Variants in ZDHHC5 observed in about 807,000 individuals in gnomAD.
ZDHHC5 encodes palmitoyltransferase ZDHHC5.
A neutral mutation model predicts 70.0 loss-of-function variants in ZDHHC5; 22 were observed. The ratio of observed to expected loss-of-function variants is 0.31; its 90% confidence interval spans 0.22 to 0.45. ZDHHC5 has a LOEUF of 0.45. ZDHHC5 is among the 20% of genes least tolerant of loss of function. ZDHHC5 has a pLI of 1.00. For missense variants in ZDHHC5, 746 were observed against 926.9 expected (o/e 0.80, Z 2.53); for synonymous variants, 313 against 347.8 (o/e 0.90, Z 1.11).
Position 57,700,048 on chromosome 11 carries a change from C to T in ZDHHC5, c.*17C>T, listed in dbSNP as rs750225456. On this transcript the variant is annotated 3_prime_UTR_variant, in exon 12 of 12. Coordinates refer to ENST00000287169, the MANE Select transcript of ZDHHC5 (RefSeq NM_015457.3). The stretch of plus-strand genomic sequence containing the variant: ...TCGGTGTGAGCCTTCGGCACCTCCC[C>T]TCCCCAACGCCTCTGCGCCTACACC... The T allele has an allele frequency of 6.4e-7, 1 of 1,552,930 alleles. No homozygotes were observed. The highest frequency in any genetic ancestry group is 8.7e-7 in the Non-Finnish European group (1 of 1,151,044).
Position 57,696,056 on chromosome 11 carries a change from T to C in ZDHHC5, c.1009+13T>C. ...GCTACTAATGAGGGTAAGGGCTGCC[T>C]TGATTTGCAAGATACTAGAACTAGG... On this transcript the variant is annotated intron_variant, in intron 9 of 11. Transcript: ENST00000287169. 1 of 1,604,002 alleles carries C rather than the reference T, an allele frequency of 6.2e-7. No homozygotes were observed. The highest frequency in any genetic ancestry group is 8.5e-7 in the Non-Finnish European group (1 of 1,176,786).
At chr11:57,688,406 G>T in intron 3 of ZDHHC5, 102 bp from the exon 4 acceptor site, 1 of 1,317,792 alleles carries the variant, frequency 7.6e-7, no homozygotes, top group African/African-American at 1.5e-5. Context: ...ATTAGACTGT[G>T]AATTCCTCAA....
chr11:57,698,883 G>C lies in ZDHHC5; in HGVS notation c.1447G>C (p.Glu483Gln), dbSNP rs1490165292. ...CACACCTTCAGACAGCCCTGATTTT[G>C]AGTCAGTGCAGGCAGGGCCTGAGCC... ...LLTPSDSPDFESVQAGPEPDP... is the reference protein window; with the variant it reads ...LLTPSDSPDFQSVQAGPEPDP... The change falls in exon 11 of 12, where the codon GAG becomes CAG. Residue 483 changes from glutamate (E) to glutamine (Q), a missense_variant. By Grantham distance (29) the Glu-to-Gln change is conservative. Transcript: ENST00000287169. 4.3e-6 allele frequency: 7 copies of C among 1,614,196 alleles called. No homozygotes were observed. Among genetic ancestry groups the C allele is most frequent in the Non-Finnish European group, 5.1e-6 (6 of 1,180,036 alleles).
chr11:57,698,504 G>T, intron 10 of ZDHHC5, 55 bp from the exon 11 acceptor site: 1 of 1,534,740 alleles, frequency 6.5e-7, no homozygotes, highest in Non-Finnish European at 8.7e-7. Flanking sequence ...GAGCTCTGGG[G>T]TCTAGCTTCT....
rs778619518 is a variant in ZDHHC5, at chr11:57,695,947, A to C, written c.913A>C (p.Ser305Arg). Residue 305 changes from serine to arginine, a missense_variant, in exon 9 of 12, where the codon AGC becomes CGC. Coordinates refer to ENST00000287169, the MANE Select transcript of ZDHHC5 (RefSeq NM_015457.3). ...KSKGSLEITE[S>R]QSADAEPPPP... Reference sequence around the variant, plus strand: ...TAAGGGAAGCCTGGAGATAACAGAGAGCCAGTCTGCAGATGCTGAACCTCC... The same window carrying C: ...TAAGGGAAGCCTGGAGATAACAGAGCGCCAGTCTGCAGATGCTGAACCTCC... 2 of 1,614,102 alleles carry C rather than the reference A, an allele frequency of 1.2e-6. No individual in the cohort carries two copies. Among genetic ancestry groups the C allele is most frequent in the East Asian group, 4.5e-5 (2 of 44,890 alleles).
At chr11:57,698,355 T>C (rs1166686961) in intron 10 of ZDHHC5, among the ~76,000 whole-genome samples, 1 of 152,208 alleles carries the variant, frequency 6.6e-6, no homozygotes, top group Non-Finnish European at 1.5e-5. Flanking sequence ...ACTCAGCCTT[T>C]CTACGTCTTG....
At chr11:57,680,913 G>T (rs1946141732) in intron 2 of ZDHHC5, among the ~76,000 whole-genome samples, 1 of 152,164 alleles carries the variant, frequency 6.6e-6, no homozygotes, top group Non-Finnish European at 1.5e-5. Flanking sequence ...ATGACTGAAG[G>T]TCTGTTTAGT....
intron 6 of ZDHHC5, 53 bp from the exon 7 acceptor site, chr11:57,692,558 C>T (rs1565196664): frequency 6.5e-7 from 1 of 1,546,574 alleles, no homozygotes; most frequent in Admixed American, 1.7e-5. Flanking sequence ...GTATTTTGGC[C>T]TTTGGAAGTC....
chr11:57,687,401 T>C (rs1479284022), intron 3 of ZDHHC5, among the ~76,000 whole-genome samples: 1 of 151,984 alleles, frequency 6.6e-6, no homozygotes, highest in Non-Finnish European at 1.5e-5. Context: ...TAAAACCCCG[T>C]CTCTATTAAA....
rs772985153 is a variant in ZDHHC5 at position 57,699,255 on chromosome 11, C to T, written c.1819C>T (p.Arg607Cys). 8.7e-6 allele frequency: 14 copies of T among 1,614,076 alleles called. No homozygotes were observed. Among genetic ancestry groups the T allele is most frequent in the Admixed American group, 1.7e-5 (1 of 60,002 alleles). The change falls in exon 11 of 12, where the codon CGT becomes TGT. Residue 607 changes from arginine (R) to cysteine (C), a missense_variant. Arg to Cys is a radical substitution (Grantham distance 180, BLOSUM62 -3). Coordinates refer to ENST00000287169, the MANE Select transcript of ZDHHC5 (RefSeq NM_015457.3). ...KTPLGRPAVP[R>C]FGKPDGLRGR... ...TCCACTGGGACGCCCAGCTGTCCCC[C>T]GTTTTGGCAAGCCAGATGGGCTAAG...
chr11:57,699,366 C>G lies in ZDHHC5; in HGVS notation c.1930C>G (p.Pro644Ala). Residue 644 changes from proline to alanine, a missense_variant, in exon 11 of 12, where the codon CCT (proline) becomes GCT (alanine). Pro to Ala is a conservative substitution (Grantham distance 27). This residue lies in a region of ZDHHC5 where 340 missense variants were observed against 350.1 expected (regional missense o/e 0.97). Transcript: ENST00000287169. ...SMSYSSQKAQ[P>A]GVSETEEVAL... Reference sequence around the variant, plus strand: ...GTCTTACAGCAGCCAAAAAGCCCAACCTGGTGTCTCTGAGACAGAAGAAGT... The same window carrying G: ...GTCTTACAGCAGCCAAAAAGCCCAAGCTGGTGTCTCTGAGACAGAAGAAGT... The G allele has an allele frequency of 6.2e-7, 1 of 1,606,706 alleles. No homozygotes were observed. The highest frequency in any genetic ancestry group is 8.5e-7 in the Non-Finnish European group (1 of 1,175,792).
intron 11 of ZDHHC5, 60 bp from the exon 12 acceptor site, chr11:57,699,806 T>C (rs1946416127): frequency 6.2e-7 from 1 of 1,600,674 alleles, no homozygotes; most frequent in Admixed American, 1.7e-5. Flanking sequence ...TGAAACTGTC[T>C]CCCTTTCCAA....
At position 57,672,260 on chromosome 11, in the gene ZDHHC5, G is replaced by A. The variant is rs886647571; in HGVS notation, c.-831G>A. ...TTTTACATGAACTTTGTAGGAAACA[G>A]AGCCCTTAAAGGGCTTGGGAATAAC... On this transcript the variant is annotated 5_prime_UTR_variant, in exon 2 of 12. Coordinates refer to ENST00000287169, the MANE Select transcript of ZDHHC5 (RefSeq NM_015457.3). The A allele has an allele frequency of 4.0e-5, 16 of 398,452 alleles. No individual in the cohort carries two copies. Among genetic ancestry groups the A allele is most frequent in the African/African-American group, 2.7e-4 (13 of 48,640 alleles). 24.7% of individuals were successfully genotyped at this position (398,452 alleles called of 1,614,324 possible). A position where few individuals can be genotyped will look rare whatever the true frequency, so the allele number is the denominator to read the frequency against.
intron 3 of ZDHHC5, among the ~76,000 whole-genome samples, chr11:57,685,485 A>G (rs1477964599): frequency 6.6e-6 from 1 of 151,936 alleles, no homozygotes; most frequent in Non-Finnish European, 1.5e-5. Flanking sequence ...CGTCTCTACT[A>G]AAAATATAAA....
At chr11:57,669,647 C>G (rs1184864914) in intron 1 of ZDHHC5, among the ~76,000 whole-genome samples, 3 of 152,140 alleles carry the variant, frequency 2.0e-5, no homozygotes, top group Non-Finnish European at 4.4e-5. Flanking sequence ...TTAGTAGAGA[C>G]AGGGTTTTGG....
At chr11:57,695,631 A>C (rs1416933182) in intron 8 of ZDHHC5, among the ~76,000 whole-genome samples, 5 of 151,446 alleles carry the variant, frequency 3.3e-5, no homozygotes, top group African/African-American at 1.2e-4. Context: ...TCTACAAAAT[A>C]AAGTAAAATA....
intron 8 of ZDHHC5, among the ~76,000 whole-genome samples, chr11:57,695,174 AT>A (rs1315022666): frequency 1.3e-5 from 2 of 152,126 alleles, no homozygotes; most frequent in Non-Finnish European, 2.9e-5. Context: ...AGGTAGGAGA[AT>A]TGCTTGAACC....
intron 4 of ZDHHC5, among the ~76,000 whole-genome samples, chr11:57,689,103 T>C (rs1296896862): frequency 1.3e-5 from 2 of 152,186 alleles, no homozygotes; most frequent in Non-Finnish European, 2.9e-5. Context: ...GTTTTGGTTA[T>C]TTATCCTGGC....
chr11:57,673,215 G>A (rs1440267094), intron 2 of ZDHHC5, 21 bp downstream of exon 2: 5 of 1,610,656 alleles, frequency 3.1e-6, no homozygotes, highest in East Asian at 2.2e-5. Flanking sequence ...TCCCAGCAGG[G>A]GTGTTTGGGT....
Sources: gnomAD v4.1 joint callset for allele counts (sites outside exome capture counted in the v4.1 genomes callset) on GRCh38, gnomAD v4.1.1 for gene constraint, gnomAD v4.1.1 regional missense constraint, MANE v1.5 for transcripts, NCBI Gene and HGNC (gene_info 2026-07-23, HGNC 2026-07-21) for gene names.